ZFPM2: variants seen among roughly 807,000 people sequenced by gnomAD.
ZFPM2 encodes the protein zinc finger protein, FOG family member 2, also known as zinc finger protein ZFPM2.
A neutral mutation model predicts 98.6 loss-of-function variants in ZFPM2; 20 were observed. The ratio of observed to expected loss-of-function variants is 0.20; its 90% confidence interval spans 0.14 to 0.29. The LOEUF is 0.29. Among genes scored for constraint, ZFPM2 ranks in the 10% least tolerant of loss-of-function variants. ZFPM2 has a pLI of 1.00. For synonymous variants in ZFPM2, 518 were observed against 502.7 expected, an observed-to-expected ratio of 1.03 and a Z score of -0.41; for missense variants, 1,310 against 1,388.6, an observed-to-expected ratio of 0.94 and a Z score of 0.90.
chr8:105,342,056 T>G (rs1234182894), intron 1 of ZFPM2, among the ~76,000 whole-genome samples: 1 of 152,106 alleles, frequency 6.6e-6, no homozygotes, highest in Non-Finnish European at 1.5e-5. Flanking sequence ...TTGATACTTC[T>G]GAAGATTTCT....
At chr8:105,668,061 C>G (rs530261926) in intron 5 of ZFPM2, among the ~76,000 whole-genome samples, 3 of 152,148 alleles carry the variant, frequency 2.0e-5, no homozygotes, top group African/African-American at 4.8e-5. Flanking sequence ...GAGACAAATC[C>G]CATAGGAGGG....
At chr8:105,660,142 A>ATT (rs539247907) in intron 5 of ZFPM2, among the ~76,000 whole-genome samples, 2 of 148,682 alleles carry the variant, frequency 1.3e-5, no homozygotes, top group African/African-American at 2.5e-5. Flanking sequence ...AGTCAAGTAC[A>ATT]TTTTTTTTTT....
At chr8:105,400,369 C>T (rs1253530625) in intron 1 of ZFPM2, among the ~76,000 whole-genome samples, 2 of 152,160 alleles carry the variant, frequency 1.3e-5, no homozygotes, top group Middle Eastern at 6.8e-3. Flanking sequence ...CCCACTAACT[C>T]GTCATCTAGC....
intron 3 of ZFPM2, among the ~76,000 whole-genome samples, chr8:105,499,462 C>T (rs302954): frequency 0.4 from 60,873 of 151,878 alleles, 12,358 homozygotes; most frequent in East Asian, 0.45. Context: ...TAAAACAAAA[C>T]AAACAAACAA....
At chr8:105,555,653 A>G (rs770261961) in intron 3 of ZFPM2, among the ~76,000 whole-genome samples, 1 of 152,178 alleles carries the variant, frequency 6.6e-6, no homozygotes, top group Non-Finnish European at 1.5e-5. Flanking sequence ...GGTGAACTAC[A>G]TTATCAAGGA....
chr8:105,495,687 G>C (rs760119538), intron 3 of ZFPM2, among the ~76,000 whole-genome samples: 1 of 152,010 alleles, frequency 6.6e-6, no homozygotes, highest in Non-Finnish European at 1.5e-5. Flanking sequence ...TTTATTGTGG[G>C]TGCCCTTTTT....
chr8:105,491,087 TTA>T (rs1472604655), intron 3 of ZFPM2, among the ~76,000 whole-genome samples: 1 of 152,136 alleles, frequency 6.6e-6, no homozygotes, highest in Non-Finnish European at 1.5e-5. Flanking sequence ...TAACACTCTT[TTA>T]TATTTGGATG....
At chr8:105,447,677 G>C (rs931775521) in intron 3 of ZFPM2, among the ~76,000 whole-genome samples, 3 of 152,036 alleles carry the variant, frequency 2.0e-5, no homozygotes, top group Non-Finnish European at 4.4e-5. Flanking sequence ...TCTAAAAATA[G>C]AACAGAGTCA....
chr8:105,319,111 T>G, intron 1 of ZFPM2, 130 bp downstream of exon 1: 1 of 1,129,384 alleles, frequency 8.9e-7, no homozygotes, highest in Non-Finnish European at 1.2e-6. Flanking sequence ...TGTCTCAAAC[T>G]TTGCCTGAGC....
rs189439240 is a variant in ZFPM2 at position 105,434,746 on chromosome 8, C to T, written c.200-9534C>T. Reference sequence around the variant, plus strand: ...TAACAGCTACAGTAACACTCCTAGTCAAGAAAGTTCAATAGTTATATTGTA... The same window carrying T: ...TAACAGCTACAGTAACACTCCTAGTTAAGAAAGTTCAATAGTTATATTGTA... On this transcript the variant is annotated intron_variant, in intron 2 of 7. Transcript: ENST00000407775. 8.5e-5 allele frequency among the ~76,000 whole-genome samples: 13 copies of T among 152,222 alleles called. 1 individual carries two copies. In the East Asian group the frequency reaches 2.5e-3, roughly 29 times the overall value.
intron 5 of ZFPM2, among the ~76,000 whole-genome samples, chr8:105,644,492 CTG>C (rs1563755585): frequency 1.3e-5 from 2 of 151,684 alleles, no homozygotes; most frequent in African/African-American, 4.9e-5. Flanking sequence ...CTAAAATGCT[CTG>C]TCTCTCTCTC....
At chr8:105,590,596 G>A (rs555895612) in intron 4 of ZFPM2, among the ~76,000 whole-genome samples, 1 of 152,220 alleles carries the variant, frequency 6.6e-6, no homozygotes, top group East Asian at 1.9e-4. Flanking sequence ...TCGAAGAAGA[G>A]AAATGTTTTG....
Position 105,801,276 on chromosome 8 carries a change from A to T in ZFPM2, c.1194A>T (p.Glu398Asp). ...AACTTCCCAGAGAAAGTGACATGGA[A>T]CACTCTCCAAGTGCAACTGAAGACA... ...SGKLPRESDMEHSPSATEDSL... is the reference protein window; with the variant it reads ...SGKLPRESDMDHSPSATEDSL... Residue 398 changes from glutamate to aspartate, a missense_variant, in exon 8 of 8, where the codon GAA (glutamate) becomes GAT (aspartate). Physicochemically the swap from Glu to Asp is conservative, Grantham distance 45 (BLOSUM62 2). Transcript: ENST00000407775. 6.2e-7 allele frequency: 1 copy of T among 1,613,876 alleles called. No homozygotes were observed. Among genetic ancestry groups the T allele is most frequent in the Non-Finnish European group, 8.5e-7 (1 of 1,179,850 alleles).
chr8:105,606,437 C>A (rs1054112519), intron 4 of ZFPM2, among the ~76,000 whole-genome samples: 6 of 151,930 alleles, frequency 3.9e-5, no homozygotes, highest in Non-Finnish European at 8.8e-5. Context: ...GGTCTTAGAT[C>A]TGAATTCTGT....
chr8:105,598,356 A>G (rs1278702347), intron 4 of ZFPM2, among the ~76,000 whole-genome samples: 1 of 152,142 alleles, frequency 6.6e-6, no homozygotes, highest in Non-Finnish European at 1.5e-5. Context: ...GAGAGAACTG[A>G]TAGGACTGAT....
chr8:105,702,400 A>G (rs1299899897), intron 5 of ZFPM2, among the ~76,000 whole-genome samples: 4 of 152,176 alleles, frequency 2.6e-5, no homozygotes, highest in African/African-American at 9.7e-5. Flanking sequence ...GAAAATCACA[A>G]ATTGCTGTGT....
chr8:105,610,571 G>A (rs1337871649), intron 4 of ZFPM2, among the ~76,000 whole-genome samples: 1 of 151,996 alleles, frequency 6.6e-6, no homozygotes, highest in Non-Finnish European at 1.5e-5. Flanking sequence ...TCGTTTCTAT[G>A]CCAAATTGCA....
At chr8:105,512,870 A>T (rs1316890116) in intron 3 of ZFPM2, among the ~76,000 whole-genome samples, 2 of 151,990 alleles carry the variant, frequency 1.3e-5, no homozygotes, top group Admixed American at 1.3e-4. Flanking sequence ...TGCCAGAAAT[A>T]CATGTATGTA....
intron 1 of ZFPM2, among the ~76,000 whole-genome samples, chr8:105,337,387 A>T (rs1257804182): frequency 6.6e-6 from 1 of 151,840 alleles, no homozygotes; most frequent in Non-Finnish European, 1.5e-5. Context: ...AAAATTTCAC[A>T]AGTCTCTAGA....
Sources: allele counts gnomAD v4.1 joint callset (sites outside exome capture counted in the v4.1 genomes callset), GRCh38; gene constraint gnomAD v4.1.1; transcripts MANE v1.5; gene names NCBI Gene and HGNC (gene_info 2026-07-23, HGNC 2026-07-21).